The following LYPD6B variants were observed in gnomAD, a reference collection of about 807,000 sequenced individuals.
The protein encoded by LYPD6B is LY6/PLAUR domain containing 6B, also known as ly6/PLAUR domain-containing protein 6B.
In LYPD6B, 17 loss-of-function variants were observed where a neutral mutation model predicts 22.8. The observed-to-expected ratio is 0.75, with a 90% CI of 0.51 to 1.12. The LOEUF is 1.12. Ranked by LOEUF, LYPD6B falls within the 50% of genes most tolerant of loss-of-function variation. The pLI, the probability that LYPD6B is intolerant of heterozygous loss-of-function variation, is 0.00. For missense variants in LYPD6B, 221 were observed against 258.3 expected (o/e 0.86, Z 0.99); for synonymous variants, 106 against 91.6 (o/e 1.16, Z -0.90).
At chr2:149,054,337 C>T (rs1175879418) in intron 1 of LYPD6B, among the ~76,000 whole-genome samples, 1 of 152,064 alleles carries the variant, frequency 6.6e-6, no homozygotes, top group Non-Finnish European at 1.5e-5. Context: ...TTGCATTTTC[C>T]TAATAACTAA....
chr2:149,149,434 G>T (rs920931213), intron 2 of LYPD6B, among the ~76,000 whole-genome samples: 1 of 150,142 alleles, frequency 6.7e-6, no homozygotes. Context: ...ACACACACAC[G>T]CACACCCCTA....
At chr2:149,170,142 G>T (rs981986606) in intron 3 of LYPD6B, among the ~76,000 whole-genome samples, 1 of 152,198 alleles carries the variant, frequency 6.6e-6, no homozygotes, top group Non-Finnish European at 1.5e-5. Context: ...AGTACAGAAT[G>T]ATACAGCTAA....
chr2:149,120,445 C>A (rs1357603746), intron 1 of LYPD6B, among the ~76,000 whole-genome samples: 2 of 128,212 alleles, frequency 1.6e-5, no homozygotes, highest in East Asian at 5.1e-4. Context: ...TGCAGTGGCG[C>A]GATCTCGGCT....
intron 1 of LYPD6B, among the ~76,000 whole-genome samples, chr2:149,113,085 A>G (rs1686838495): frequency 6.6e-6 from 1 of 152,222 alleles, no homozygotes. Context: ...GGAATGCATC[A>G]GAAAAATAAA....
intron 1 of LYPD6B, among the ~76,000 whole-genome samples, chr2:149,046,391 C>G (rs534578703): frequency 6.6e-6 from 1 of 152,170 alleles, no homozygotes; most frequent in South Asian, 2.1e-4. Context: ...TATGTTAGAC[C>G]ATTTACACTT....
rs543422614 is a variant in LYPD6B at position 149,127,891 on chromosome 2, A to T, written c.-66-2992A>T. On this transcript the variant is annotated intron_variant, in intron 1 of 6. Transcript: ENST00000409642. The stretch of plus-strand genomic sequence containing the variant: ...ATAATGGTGCCCTAATACCCAGCAC[A>T]ATTTCACATTCTACCTATTAATCTT... Among the ~76,000 whole-genome samples the T allele has an allele frequency of 2.0e-5, 3 of 152,310 alleles. No individual in the cohort carries two copies. The South Asian group carries it at 6.2e-4, about 32-fold the overall frequency.
At chr2:149,110,769 A>G (rs769703543) in intron 1 of LYPD6B, among the ~76,000 whole-genome samples, 9 of 152,236 alleles carry the variant, frequency 5.9e-5, no homozygotes, top group Non-Finnish European at 1.3e-4. Flanking sequence ...CAAATAAAGC[A>G]AAATCTTTCC....
At chr2:149,139,418 G>A (rs1259745477) in intron 2 of LYPD6B, among the ~76,000 whole-genome samples, 2 of 152,122 alleles carry the variant, frequency 1.3e-5, no homozygotes, top group African/African-American at 2.4e-5. Flanking sequence ...ATAATCTGCC[G>A]CTTCATTAGG....
chr2:149,135,406 G>C (rs1295749672), intron 2 of LYPD6B, among the ~76,000 whole-genome samples: 6 of 152,024 alleles, frequency 3.9e-5, no homozygotes, highest in African/African-American at 1.4e-4. Flanking sequence ...ATTTAAATAT[G>C]TGTATGTATG....
intron 1 of LYPD6B, among the ~76,000 whole-genome samples, chr2:149,097,698 A>G (rs1221296456): frequency 6.6e-6 from 1 of 152,214 alleles, no homozygotes; most frequent in Non-Finnish European, 1.5e-5. Context: ...TAAAAGAAAG[A>G]AAGCAGAGTT....
chr2:149,161,807 T>C (rs1690079899), intron 3 of LYPD6B, among the ~76,000 whole-genome samples: 1 of 152,236 alleles, frequency 6.6e-6, no homozygotes, highest in Non-Finnish European at 1.5e-5. Flanking sequence ...GATTGAATTA[T>C]TAGCACCTGT....
At chr2:149,187,574 C>T (rs1692205116) in intron 3 of LYPD6B, 2 of 1,410,994 alleles carry the variant, frequency 1.4e-6, no homozygotes, top group South Asian at 3.3e-5. Flanking sequence ...TGAAGCCTGA[C>T]ACATTGTAGG....
intron 5 of LYPD6B, among the ~76,000 whole-genome samples, chr2:149,210,732 G>T (rs567315458): frequency 6.6e-6 from 1 of 152,256 alleles, no homozygotes; most frequent in South Asian, 2.1e-4. Flanking sequence ...CATGTGTCCC[G>T]TTCTGTATGA....
intron 3 of LYPD6B, among the ~76,000 whole-genome samples, chr2:149,189,214 T>C (rs1165807689): frequency 4.6e-5 from 7 of 151,716 alleles, no homozygotes; most frequent in African/African-American, 1.7e-4. Context: ...GAACCTCAAA[T>C]GTAGTCGTGG....
chr2:149,063,561 A>T (rs1684190451), intron 1 of LYPD6B, among the ~76,000 whole-genome samples: 1 of 152,206 alleles, frequency 6.6e-6, no homozygotes, highest in Non-Finnish European at 1.5e-5. Context: ...TTTTACTTTG[A>T]GTTGTTTATG....
At chr2:149,126,385 A>ACAGT (rs1451696900) in intron 1 of LYPD6B, among the ~76,000 whole-genome samples, 2 of 152,242 alleles carry the variant, frequency 1.3e-5, no homozygotes, top group South Asian at 2.1e-4. Context: ...TTACCAATAA[A>ACAGT]CAGTCAATGC....
At chr2:149,164,221 G>C (rs933814428) in intron 3 of LYPD6B, among the ~76,000 whole-genome samples, 2 of 152,114 alleles carry the variant, frequency 1.3e-5, no homozygotes. Flanking sequence ...GGCAGATAAG[G>C]GGAGCTCAGA....
chr2:149,085,177 A>G (rs1685331244), intron 1 of LYPD6B, among the ~76,000 whole-genome samples: 1 of 152,178 alleles, frequency 6.6e-6, no homozygotes, highest in Non-Finnish European at 1.5e-5. Context: ...GAGGTTGTCC[A>G]TTGCCCAGTT....
chr2:149,076,634 C>T (rs1039203518), intron 1 of LYPD6B, among the ~76,000 whole-genome samples: 2 of 151,740 alleles, frequency 1.3e-5, no homozygotes, highest in African/African-American at 4.8e-5. Context: ...AGGTATGAGG[C>T]ACAGTAAAAT....
Sources: gnomAD v4.1 joint callset for allele counts (sites outside exome capture counted in the v4.1 genomes callset) on GRCh38, gnomAD v4.1.1 for gene constraint, MANE v1.5 for transcripts, NCBI Gene and HGNC (gene_info 2026-07-23, HGNC 2026-07-21) for gene names.